The following ATXN2 variants were observed in gnomAD, a reference collection of about 807,000 sequenced individuals.
The protein encoded by ATXN2 is ataxin-2.
Under a neutral mutation model 138.6 loss-of-function variants are expected in ATXN2, and 37 were observed. The observed-to-expected ratio is 0.27, with a 90% CI of 0.21 to 0.35. ATXN2 has a LOEUF of 0.35. Among genes scored for constraint, ATXN2 ranks in the 10% least tolerant of loss-of-function variants. The pLI, the probability that ATXN2 is intolerant of heterozygous loss-of-function variation, is 1.00. For missense variants in ATXN2, 1,216 were observed against 1,480.3 expected, an observed-to-expected ratio of 0.82 and a Z score of 2.93; for synonymous variants, 549 against 543.7, an observed-to-expected ratio of 1.01 and a Z score of -0.13.
intron 20 of ATXN2, among the ~76,000 whole-genome samples, chr12:111,465,490 GGC>G (rs1875924959): frequency 1.3e-5 from 2 of 152,054 alleles, no homozygotes; most frequent in Admixed American, 1.3e-4. Context: ...GTAGATGTGA[GGC>G]TGGGCGTGGT....
At chr12:111,492,920 C>T (rs1360676982) in intron 14 of ATXN2, among the ~76,000 whole-genome samples, 3 of 151,826 alleles carry the variant, frequency 2.0e-5, no homozygotes, top group African/African-American at 7.3e-5. Flanking sequence ...GAAAGTTCAA[C>T]GAAATCCAAG....
At chr12:111,572,757 G>A (rs1390938457) in intron 1 of ATXN2, among the ~76,000 whole-genome samples, 2 of 152,108 alleles carry the variant, frequency 1.3e-5, no homozygotes, top group African/African-American at 4.8e-5. Context: ...ATGTACTGCT[G>A]AAGTCTTGTT....
chr12:111,555,860 T>C (rs756305895), intron 2 of ATXN2, 23 bp downstream of exon 2: 1 of 1,580,876 alleles, frequency 6.3e-7, no homozygotes, highest in East Asian at 2.4e-5. Context: ...TTTTCCCCAA[T>C]AAGTAACATT....
intron 6 of ATXN2, among the ~76,000 whole-genome samples, chr12:111,523,305 C>T (rs1339663152): frequency 1.3e-5 from 2 of 152,066 alleles, no homozygotes; most frequent in Non-Finnish European, 2.9e-5. Flanking sequence ...TCTTAGATAT[C>T]TTTCCATATT....
chr12:111,542,732 A>G, intron 5 of ATXN2, among the ~76,000 whole-genome samples: 1 of 152,100 alleles, frequency 6.6e-6, no homozygotes, highest in South Asian at 2.1e-4. Flanking sequence ...AAAGTGTTGA[A>G]ATTACAGGCA....
At chr12:111,502,260 A>AC (rs1345667965) in intron 14 of ATXN2, among the ~76,000 whole-genome samples, 2 of 152,170 alleles carry the variant, frequency 1.3e-5, no homozygotes, top group Non-Finnish European at 2.9e-5. Flanking sequence ...TGATGTAGAT[A>AC]CTATTATTGC....
chr12:111,499,691 A>T (rs1878631981), intron 14 of ATXN2, among the ~76,000 whole-genome samples: 1 of 150,286 alleles, frequency 6.7e-6, no homozygotes, highest in African/African-American at 2.4e-5. Flanking sequence ...AAACAAAACA[A>T]AAAAAAAAGG....
Position 111,470,578 on chromosome 12 carries a change from C to A in ATXN2, c.2689G>T (p.Val897Leu), listed in dbSNP as rs1281067371. The change falls in exon 19 of 25, where the codon GTG becomes TTG. Residue 897 changes from valine (V) to leucine (L), a missense_variant. This residue lies in a region of ATXN2 where 490 missense variants were observed against 653.5 expected (regional missense o/e 0.75). Coordinates refer to ENST00000673436, the MANE Select transcript of ATXN2 (RefSeq NM_001372574.1). ...QFPNQPLVQH[V>L]PHYQSQHPHV... Reference sequence around the variant, plus strand: ...CTTACCTGAGACTGATAATGTGGCACATGCTGAACAAGGGGCTGATTTGGG... The same window carrying A: ...CTTACCTGAGACTGATAATGTGGCAAATGCTGAACAAGGGGCTGATTTGGG... 1 of 1,613,980 alleles carries A rather than the reference C, an allele frequency of 6.2e-7. No individual in the cohort carries two copies. Among genetic ancestry groups the A allele is most frequent in the African/African-American group, 1.3e-5 (1 of 74,870 alleles).
chr12:111,598,352 A>C lies in ATXN2; in HGVS notation c.251+432T>G. ...CCCCATGGAGGGGGACATGTTCCGG[A>C]AAACGCCACCACAGCCTCCAGACCC... On this transcript the variant is annotated intron_variant, in intron 1 of 24. Coordinates refer to ENST00000673436, the MANE Select transcript of ATXN2 (RefSeq NM_001372574.1). This position sits in a 1 kb window ranked among gnomAD's most constrained non-coding sequence, Gnocchi z 4.5. The C allele has an allele frequency of 1.0e-6, 1 of 990,462 alleles. No homozygotes were observed. The highest frequency in any genetic ancestry group is 1.2e-6 in the Non-Finnish European group (1 of 832,800). The allele number at this position is 990,462 out of a possible 1,614,324, so 61.4% of individuals were successfully genotyped here.
chr12:111,470,080 TG>T, intron 20 of ATXN2, 27 bp downstream of exon 20: 2 of 1,609,776 alleles, frequency 1.2e-6, no homozygotes, highest in Non-Finnish European at 1.7e-6. Context: ...TCACACACAC[TG>T]GAAGAGACAA....
chr12:111,586,632 C>T (rs1884356789), intron 1 of ATXN2, among the ~76,000 whole-genome samples: 1 of 151,614 alleles, frequency 6.6e-6, no homozygotes, highest in South Asian at 2.1e-4. Flanking sequence ...GTAATCCGCC[C>T]TCCTCAACCT....
chr12:111,579,596 C>G (rs1883871168), intron 1 of ATXN2, among the ~76,000 whole-genome samples: 1 of 151,782 alleles, frequency 6.6e-6, no homozygotes, highest in African/African-American at 2.4e-5. Context: ...AACCTGCTAA[C>G]TCAATGTCCA....
intron 18 of ATXN2, among the ~76,000 whole-genome samples, chr12:111,484,310 G>A (rs1043740456): frequency 6.6e-6 from 1 of 150,442 alleles, no homozygotes; most frequent in Non-Finnish European, 1.5e-5. Context: ...TTGAGATAGG[G>A]TCTCACTATA....
At chr12:111,519,469 T>C (rs1880039250) in intron 8 of ATXN2, among the ~76,000 whole-genome samples, 1 of 152,326 alleles carries the variant, frequency 6.6e-6, no homozygotes, top group Non-Finnish European at 1.5e-5. Flanking sequence ...TATTATCTTA[T>C]CACAAAATGT....
Position 111,470,617 on chromosome 12 carries a change from T to A in ATXN2, c.2650A>T (p.Ser884Cys), listed in dbSNP as rs1876342388. ...PAYSTQYVAY[S>C]PQQFPNQPLV... The stretch of plus-strand genomic sequence containing the variant: ...GGCTGATTTGGGAACTGCTGAGGAC[T>A]GTAGGCAACATATTGCGTGGAGTAA... The change falls in exon 19 of 25, where the codon AGT becomes TGT. Residue 884 changes from serine to cysteine, a missense_variant. By Grantham distance (112) the Ser-to-Cys change is moderately radical (BLOSUM62 -1). Around this residue, in one of 4 missense-constraint regions of ATXN2, gnomAD observed 490 missense variants for 653.5 expected, o/e 0.75. Coordinates refer to ENST00000673436, the MANE Select transcript of ATXN2 (RefSeq NM_001372574.1). 1.2e-6 allele frequency: 2 copies of A among 1,614,200 alleles called. No homozygotes were observed. Among genetic ancestry groups the A allele is most frequent in the East Asian group, 4.5e-5 (2 of 44,886 alleles).
At chr12:111,461,059 T>C (rs1236650730) in intron 21 of ATXN2, 7 of 152,260 alleles carry the variant, frequency 4.6e-5, no homozygotes, top group Non-Finnish European at 1.0e-4. Context: ...TCATACGTTG[T>C]AAACAAAATT....
chr12:111,492,993 TA>T (rs1309873987), intron 14 of ATXN2, among the ~76,000 whole-genome samples: 3 of 151,938 alleles, frequency 2.0e-5, no homozygotes, highest in Non-Finnish European at 1.5e-5. Flanking sequence ...TAATTATTAG[TA>T]AAAAGAATCA....
intron 6 of ATXN2, among the ~76,000 whole-genome samples, chr12:111,524,120 A>AGGT (rs978933576): frequency 2.0e-5 from 3 of 152,218 alleles, no homozygotes; most frequent in Non-Finnish European, 2.9e-5. Context: ...TTTTTCATAC[A>AGGT]GGTGACGTGA....
intron 5 of ATXN2, among the ~76,000 whole-genome samples, chr12:111,533,541 TTTC>T (rs1164592391): frequency 6.6e-6 from 1 of 152,180 alleles, no homozygotes; most frequent in Non-Finnish European, 1.5e-5. Context: ...GACAGTTTTT[TTTC>T]TTTTCTTCTC....
Sources: allele counts gnomAD v4.1 joint callset (sites outside exome capture counted in the v4.1 genomes callset), GRCh38; gene constraint gnomAD v4.1.1; regional missense constraint gnomAD v4.1.1; non-coding constraint Gnocchi (gnomAD v3.1); transcripts MANE v1.5; gene names NCBI Gene and HGNC (gene_info 2026-07-23, HGNC 2026-07-21).